The following CSMD1 variants were observed in gnomAD, a reference collection of about 807,000 sequenced individuals.
CSMD1 encodes the protein CUB and Sushi multiple domains 1.
Under a neutral mutation model 417.5 loss-of-function variants are expected in CSMD1, and 213 were observed. That is an observed-to-expected ratio of 0.51 (90% CI 0.46 to 0.57). The LOEUF (loss-of-function observed/expected upper bound fraction) is 0.57, where lower values mean the gene tolerates loss of function less well. CSMD1 is among the 20% of genes least tolerant of loss of function. The pLI is 0.00. For synonymous variants in CSMD1, 2,862 were observed against 1,736.8 expected (o/e 1.65, Z -16.11); for missense variants, 6,923 against 4,529.7 (o/e 1.53, Z -15.17).
intron 8 of CSMD1, among the ~76,000 whole-genome samples, chr8:3,591,858 AGAT>A (rs1219527229): frequency 6.6e-6 from 1 of 152,168 alleles, no homozygotes; most frequent in Non-Finnish European, 1.5e-5. Flanking sequence ...ATAGATAAAT[AGAT>A]GATAGATGAA....
chr8:4,897,285 G>T (rs572361356), intron 1 of CSMD1, among the ~76,000 whole-genome samples: 147 of 151,934 alleles, frequency 9.7e-4, no homozygotes, highest in Non-Finnish European at 1.9e-3. Context: ...TGTTCATTTA[G>T]GTAAGAAAAA....
intron 3 of CSMD1, among the ~76,000 whole-genome samples, chr8:4,384,184 T>C (rs1397630425): frequency 2.0e-5 from 3 of 152,178 alleles, no homozygotes; most frequent in African/African-American, 7.2e-5. Context: ...AAAGACATCC[T>C]GCTCAAGATT....
chr8:3,536,523 G>A (rs972128958), intron 10 of CSMD1, among the ~76,000 whole-genome samples: 2 of 152,192 alleles, frequency 1.3e-5, no homozygotes, highest in Non-Finnish European at 2.9e-5. Flanking sequence ...TATCTTCGAG[G>A]ATTGGCCTCC....
intron 5 of CSMD1, among the ~76,000 whole-genome samples, chr8:3,767,571 AT>A (rs1456258175): frequency 1.3e-5 from 2 of 152,196 alleles, no homozygotes; most frequent in Non-Finnish European, 2.9e-5. Flanking sequence ...TGCTGACCTT[AT>A]CCAAATACGA....
At chr8:3,562,440 A>T (rs1475006530) in intron 10 of CSMD1, among the ~76,000 whole-genome samples, 1 of 51,496 alleles carries the variant, frequency 1.9e-5, no homozygotes, top group Non-Finnish European at 5.6e-5. Context: ...ACACACGTGC[A>T]CATACACATA....
chr8:3,586,031 C>A, intron 9 of CSMD1, 105 bp downstream of exon 9: 3 of 1,183,562 alleles, frequency 2.5e-6, no homozygotes, highest in Non-Finnish European at 3.5e-6. Flanking sequence ...CTACCGAATT[C>A]TACTCTTCCC....
intron 15 of CSMD1, among the ~76,000 whole-genome samples, chr8:3,402,859 T>C (rs538507482): frequency 6.6e-6 from 1 of 152,118 alleles, no homozygotes; most frequent in Admixed American, 6.5e-5. Context: ...ATCTTATTAT[T>C]AAATTTCTTT....
intron 3 of CSMD1, among the ~76,000 whole-genome samples, chr8:4,288,864 A>C (rs2128865693): frequency 6.6e-6 from 1 of 152,314 alleles, no homozygotes; most frequent in South Asian, 2.1e-4. Flanking sequence ...TATGCTATGA[A>C]TTATTTTAAG....
At chr8:3,606,155 G>C (rs1441525374) in intron 8 of CSMD1, among the ~76,000 whole-genome samples, 1 of 152,182 alleles carries the variant, frequency 6.6e-6, no homozygotes, top group Non-Finnish European at 1.5e-5. Context: ...GTTCTGCAGA[G>C]AGAAGCCAAC....
At chr8:3,210,584 AAATT>A (rs1563146042) in intron 30 of CSMD1, among the ~76,000 whole-genome samples, 1 of 148,480 alleles carries the variant, frequency 6.7e-6, no homozygotes, top group Admixed American at 6.8e-5. Context: ...ATATGTGTAT[AAATT>A]AATATATAGG....
chr8:4,097,885 C>A (rs1379637549), intron 3 of CSMD1, among the ~76,000 whole-genome samples: 1 of 152,088 alleles, frequency 6.6e-6, no homozygotes, highest in Non-Finnish European at 1.5e-5. Context: ...ATCCATGGGG[C>A]TTCATCAGCT....
intron 6 of CSMD1, among the ~76,000 whole-genome samples, chr8:3,724,691 T>C (rs1160051251): frequency 1.3e-5 from 2 of 152,148 alleles, no homozygotes; most frequent in African/African-American, 4.8e-5. Flanking sequence ...TGAAATTAAA[T>C]AGGAAAAGAA....
intron 3 of CSMD1, among the ~76,000 whole-genome samples, chr8:4,413,294 C>T (rs1796748459): frequency 6.6e-6 from 1 of 152,154 alleles, no homozygotes; most frequent in Non-Finnish European, 1.5e-5. Flanking sequence ...ACAGCTTCTC[C>T]TTGGGCTCTG....
At chr8:4,933,071 C>CT (rs1807352022) in intron 1 of CSMD1, among the ~76,000 whole-genome samples, 1 of 147,792 alleles carries the variant, frequency 6.8e-6, no homozygotes, top group African/African-American at 2.4e-5. Flanking sequence ...ATCAATAGCA[C>CT]TTTCTTTTGC....
intron 8 of CSMD1, among the ~76,000 whole-genome samples, chr8:3,612,084 T>C (rs991539780): frequency 6.6e-6 from 1 of 152,082 alleles, no homozygotes; most frequent in Non-Finnish European, 1.5e-5. Context: ...GTGCAACAGA[T>C]TGAATATAGA....
chr8:3,454,674 A>G (rs1030872944), intron 12 of CSMD1, among the ~76,000 whole-genome samples: 1 of 152,326 alleles, frequency 6.6e-6, no homozygotes, highest in African/African-American at 2.4e-5. Context: ...GTTTCTGCGG[A>G]GAGATCAGCT....
At chr8:3,436,705 T>C (rs1247775785) in intron 12 of CSMD1, among the ~76,000 whole-genome samples, 1 of 152,174 alleles carries the variant, frequency 6.6e-6, no homozygotes, top group Non-Finnish European at 1.5e-5. Context: ...TTAGAAACGC[T>C]TTCTGAGTAA....
chr8:4,968,885 G>C (rs970733365), intron 1 of CSMD1, among the ~76,000 whole-genome samples: 60 of 152,160 alleles, frequency 3.9e-4, no homozygotes, highest in African/African-American at 1.4e-3. Context: ...GCATCAGTCT[G>C]TCTCTCGGGT....
intron 5 of CSMD1, among the ~76,000 whole-genome samples, chr8:3,923,393 C>T (rs537572256): frequency 2.0e-5 from 3 of 152,154 alleles, no homozygotes; most frequent in Admixed American, 1.3e-4. Flanking sequence ...CTTATTATAT[C>T]ATTTGCTTAT....
Sources: gnomAD v4.1 joint callset for allele counts (sites outside exome capture counted in the v4.1 genomes callset) on GRCh38, gnomAD v4.1.1 for gene constraint, MANE v1.5 for transcripts, NCBI Gene and HGNC (gene_info 2026-07-23, HGNC 2026-07-21) for gene names.